C3orf49: variants seen among roughly 807,000 people sequenced by gnomAD.
C3orf49 encodes chromosome 3 open reading frame 49.
In C3orf49, 27 loss-of-function variants were observed where a neutral mutation model predicts 13.3. That is an observed-to-expected ratio of 2.02 (90% CI 1.49 to 2.79). C3orf49 has a LOEUF of 2.79. Ranked by LOEUF, C3orf49 falls within the 30% of genes most tolerant of loss-of-function variation. The pLI is 0.00. For synonymous variants in C3orf49, 87 were observed against 47.6 expected (o/e 1.83, Z -3.40); for missense variants, 242 against 134.2 (o/e 1.80, Z -3.97).
At chr3:63,835,717 A>C (rs1434240208) in intron 5 of C3orf49, among the ~76,000 whole-genome samples, 1 of 152,066 alleles carries the variant, frequency 6.6e-6, no homozygotes, top group African/African-American at 2.4e-5. Flanking sequence ...AAGAAATAAA[A>C]CATTGCCAAT....
At chr3:63,780,347 C>A in the C3orf49 span, among the ~76,000 whole-genome samples, 5 of 152,152 alleles carry the variant, frequency 3.3e-5, no homozygotes, top group African/African-American at 1.2e-4. Flanking sequence ...GCATAGTATT[C>A]CATGGTATAT....
At chr3:63,786,545 C>T in the C3orf49 span, among the ~76,000 whole-genome samples, 1 of 151,924 alleles carries the variant, frequency 6.6e-6, no homozygotes, top group African/African-American at 2.4e-5. Context: ...GGAGGGAGGT[C>T]GTGGAGCTAA....
At chr3:63,821,312 A>G (rs1559598055) in intron 1 of C3orf49, among the ~76,000 whole-genome samples, 1 of 152,192 alleles carries the variant, frequency 6.6e-6, no homozygotes. Flanking sequence ...AGAGTAGTAC[A>G]TATGCTACTG....
At chr3:63,803,537 C>G in the C3orf49 span, among the ~76,000 whole-genome samples, 1 of 152,238 alleles carries the variant, frequency 6.6e-6, no homozygotes, top group Non-Finnish European at 1.5e-5. Flanking sequence ...ACATGCTGCT[C>G]TCAAGGACTT....
At chr3:63,817,152 C>T (rs1701333664), upstream of C3orf49, among the ~76,000 whole-genome samples, 1 of 152,046 alleles carries the variant, frequency 6.6e-6, no homozygotes, top group African/African-American at 2.4e-5. Context: ...CTGCCTGGGT[C>T]ACACAAATTT....
At chr3:63,825,219 A>C (rs774766133) in intron 2 of C3orf49, among the ~76,000 whole-genome samples, 1 of 152,134 alleles carries the variant, frequency 6.6e-6, no homozygotes, top group Non-Finnish European at 1.5e-5. Flanking sequence ...ATCAGGAAAC[A>C]CACAGCCCTT....
the C3orf49 span, among the ~76,000 whole-genome samples, chr3:63,784,201 A>G: frequency 2.3e-4 from 35 of 152,352 alleles, 1 homozygote; most frequent in Admixed American, 2.3e-3. Context: ...TTTAAATCAT[A>G]CTGAGAAAAA....
At chr3:63,784,891 GC>G in the C3orf49 span, 1 of 151,984 alleles carries the variant, frequency 6.6e-6, no homozygotes, top group East Asian at 1.9e-4. Flanking sequence ...AAGGCTAATT[GC>G]TTTCTTCCTT....
At chr3:63,821,112 T>A (rs1227006593) in intron 1 of C3orf49, among the ~76,000 whole-genome samples, 1 of 152,184 alleles carries the variant, frequency 6.6e-6, no homozygotes, top group Non-Finnish European at 1.5e-5. Flanking sequence ...ATTATGCCCA[T>A]TTTCAAATGA....
At chr3:63,835,450 T>C in intron 5 of C3orf49, 1 of 1,488,644 alleles carries the variant, frequency 6.7e-7, no homozygotes, top group Non-Finnish European at 9.3e-7. Context: ...TTACAATTAA[T>C]GCCTAACTTT....
rs946853362 is a variant in C3orf49, at chr3:63,819,489, G to C, written c.18G>C (p.Leu6=). MAQPQ[L]YLPEPFKIAY... ...TGAGAGCAATGGCCCAACCTCAGCT[G>C]TATCTACCAGAACCCTTTAAGATTG... The change falls in exon 1 of 7, where the codon CTG becomes CTC. Residue 6 remains leucine (L), a synonymous_variant. Coordinates refer to ENST00000295896, the MANE Select transcript of C3orf49 (RefSeq NM_001355236.2). The C allele has an allele frequency of 4.3e-6, 3 of 702,958 alleles. No individual in the cohort carries two copies. Among genetic ancestry groups the C allele is most frequent in the South Asian group, 1.5e-5 (1 of 67,604 alleles). The allele number at this position is 702,958 out of a possible 1,614,324, so 43.5% of individuals were successfully genotyped here. A position where few individuals can be genotyped will look rare whatever the true frequency, so the allele number is the denominator to read the frequency against.
upstream of C3orf49, among the ~76,000 whole-genome samples, chr3:63,817,027 G>T (rs1701332366): frequency 6.6e-6 from 1 of 151,914 alleles, no homozygotes; most frequent in Non-Finnish European, 1.5e-5. Context: ...ACCCACCTCG[G>T]CCTCCCAAAG....
upstream of C3orf49, among the ~76,000 whole-genome samples, chr3:63,815,771 CTTT>C (rs1227837780): frequency 2.9e-5 from 4 of 136,560 alleles, no homozygotes; most frequent in Admixed American, 7.3e-5. Context: ...TCTTTTCTTT[CTTT>C]TTTTTTTTTT....
At chr3:63,783,942 C>T in the C3orf49 span, among the ~76,000 whole-genome samples, 2 of 151,724 alleles carry the variant, frequency 1.3e-5, no homozygotes, top group Non-Finnish European at 2.9e-5. Flanking sequence ...TTTCATGGCC[C>T]CTATATCTTT....
chr3:63,842,361 G>A (rs1701783156), intron 5 of C3orf49, among the ~76,000 whole-genome samples: 1 of 152,086 alleles, frequency 6.6e-6, no homozygotes, highest in Non-Finnish European at 1.5e-5. Context: ...TACACTATTG[G>A]TGGAATGTAA....
intron 6 of C3orf49, among the ~76,000 whole-genome samples, chr3:63,845,929 A>G (rs1480442127): frequency 6.6e-6 from 1 of 152,200 alleles, no homozygotes; most frequent in Non-Finnish European, 1.5e-5. Context: ...CCACATGAAA[A>G]AGACTATTCA....
intron 3 of C3orf49, among the ~76,000 whole-genome samples, chr3:63,828,016 T>A (rs1701487974): frequency 6.6e-6 from 1 of 152,216 alleles, no homozygotes; most frequent in African/African-American, 2.4e-5. Context: ...CTGGCCTATC[T>A]GTGCATACTA....
chr3:63,789,014 C>T, the C3orf49 span, among the ~76,000 whole-genome samples: 3,709 of 152,110 alleles, frequency 0.024, 144 homozygotes, highest in African/African-American at 0.082. Context: ...TGATCACTTA[C>T]AACAGGGGTT....
chr3:63,801,824 C>T, the C3orf49 span, among the ~76,000 whole-genome samples: 66 of 152,238 alleles, frequency 4.3e-4, no homozygotes, highest in East Asian at 0.01. Flanking sequence ...GAAATACAAC[C>T]CTGGGCTCAA....
Sources: allele counts gnomAD v4.1 joint callset (sites outside exome capture counted in the v4.1 genomes callset), GRCh38; gene constraint gnomAD v4.1.1; transcripts MANE v1.5; gene names NCBI Gene and HGNC (gene_info 2026-07-23, HGNC 2026-07-21).